The following SYCP2L variants were observed in gnomAD, a reference collection of about 807,000 sequenced individuals.
The protein encoded by SYCP2L is synaptonemal complex protein 2 like, also known as synaptonemal complex protein 2-like.
SYCP2L carries 98 observed loss-of-function variants against 125.8 expected under a neutral mutation model. The observed-to-expected ratio is 0.78, with a 90% CI of 0.66 to 0.92. SYCP2L has a LOEUF of 0.92. Ranked by LOEUF, SYCP2L falls within the 40% of genes least tolerant of loss-of-function variation. The pLI is 0.00. For synonymous variants in SYCP2L, 317 were observed against 325.4 expected, an observed-to-expected ratio of 0.97 and a Z score of 0.28; for missense variants, 842 against 936.4, an observed-to-expected ratio of 0.90 and a Z score of 1.32.
At chr6:10,959,026 C>A in intron 26 of SYCP2L, 151 bp downstream of exon 26, 1 of 671,028 alleles carries the variant, frequency 1.5e-6, no homozygotes, top group Non-Finnish European at 2.6e-6. Context: ...GTTTCCGGTT[C>A]TTCATTCATA....
At chr6:10,902,853 A>G (rs768545885) in intron 7 of SYCP2L, 22 bp from the exon 8 acceptor site, 1 of 1,613,380 alleles carries the variant, frequency 6.2e-7, no homozygotes, top group Non-Finnish European at 8.5e-7. Context: ...TTCTCCATGA[A>G]TGTCTTCTCA....
rs915049172 is a variant in SYCP2L at position 10,942,678 on chromosome 6, T to C, written c.1886T>C (p.Ile629Thr). ...TTTGTGGTCTGTTTTGTTTTTAAGA[T>C]TGTGAACCAAGAATCACTAACAGAA... is the stretch of plus-strand genomic sequence containing the variant. Reference protein sequence around the residue: ...KHSEDEEKPKIVNQESLTEST... With the variant: ...KHSEDEEKPKTVNQESLTEST... Residue 629 changes from isoleucine (I) to threonine (T), a missense_variant and splice_region_variant, in exon 23 of 30, where the codon ATT (isoleucine) becomes ACT (threonine). Physicochemically the swap from Ile to Thr is moderately conservative, Grantham distance 89. Transcript: ENST00000283141. The C allele has an allele frequency of 3.7e-6, 6 of 1,613,714 alleles. No homozygotes were observed. The South Asian group carries it at 4.4e-5, about 12-fold the overall frequency.
intron 23 of SYCP2L, among the ~76,000 whole-genome samples, chr6:10,947,828 T>C (rs538676335): frequency 6.8e-4 from 103 of 152,246 alleles, no homozygotes; most frequent in Non-Finnish European, 1.2e-3. Context: ...TCTAATCTTA[T>C]AGCAAATGCA....
rs11961995 is a variant in SYCP2L, at chr6:10,918,043, G to A, written c.1072+5116G>A. 0.02 allele frequency among the ~76,000 whole-genome samples: 3,019 copies of A among 151,972 alleles called. 132 individuals carry two copies. In the East Asian group the frequency reaches 0.21, roughly 10 times the overall value. On this transcript the variant is annotated intron_variant, in intron 14 of 29. Coordinates refer to ENST00000283141, the MANE Select transcript of SYCP2L (RefSeq NM_001040274.3). ...TTAATCTGGTAGGTTTCCTTTATAG[G>A]TTACCTGGTGCTTTTGTCTCACTGC...
rs181233227 is a variant in SYCP2L, at chr6:10,901,604, G to A, written c.467-1073G>A. Among the ~76,000 whole-genome samples the A allele has an allele frequency of 3.7e-3, 569 of 152,204 alleles. 1 individual carries two copies. Among genetic ancestry groups the A allele is most frequent in the Non-Finnish European group, 6.9e-3 (469 of 68,012 alleles). On this transcript the variant is annotated intron_variant, in intron 6 of 29. Transcript: ENST00000283141. ...TCCTGCGCATCAGAGGGTGTTTGGC[G>A]GCATCCTTGGCCTCTACCCTCTAGA...
chr6:10,918,241 T>C (rs1780724759), intron 14 of SYCP2L, among the ~76,000 whole-genome samples: 1 of 151,032 alleles, frequency 6.6e-6, no homozygotes, highest in Admixed American at 6.6e-5. Flanking sequence ...CTGATGACAA[T>C]GTGCCTCGCC....
At chr6:10,897,410 C>CT (rs5874295) in intron 4 of SYCP2L, among the ~76,000 whole-genome samples, 21 of 129,838 alleles carry the variant, frequency 1.6e-4, no homozygotes, top group African/African-American at 2.5e-4. Context: ...TCACTTATCT[C>CT]TTTTTTTTTT....
rs778758010 is a variant in SYCP2L, at chr6:10,930,438, G to A, written c.1557G>A (p.Trp519Ter). Residue 519 changes from tryptophan to a stop codon, truncating the protein, a stop_gained, in exon 19 of 30, where the codon TGG becomes TGA. Coordinates refer to ENST00000283141, the MANE Select transcript of SYCP2L (RefSeq NM_001040274.3). LOFTEE classifies it high-confidence loss of function. ...NQDSSTSELS[W>*]TSNQKKKSLK... ...ATTCAAGTACCAGTGAACTATCTTG[G>A]ACCAGTAACCAGAAAAAGAAATCCC... 2 of 1,613,592 alleles carry A rather than the reference G, an allele frequency of 1.2e-6. No individual in the cohort carries two copies. Among genetic ancestry groups the A allele is most frequent in the East Asian group, 2.2e-5 (1 of 44,776 alleles).
chr6:10,898,653 T>G (rs1465628895), intron 5 of SYCP2L, among the ~76,000 whole-genome samples, 171 bp from the exon 6 acceptor site: 2 of 152,220 alleles, frequency 1.3e-5, no homozygotes, highest in Non-Finnish European at 2.9e-5. Context: ...GAGAGTGATA[T>G]GCACATTTTA....
intron 23 of SYCP2L, among the ~76,000 whole-genome samples, chr6:10,943,507 G>A (rs1402289933): frequency 3.8e-5 from 5 of 133,204 alleles, no homozygotes; most frequent in Admixed American, 9.2e-5. Context: ...TTGTTCATTC[G>A]TGCGTTGTGA....
At position 10,954,672 on chromosome 6, in the gene SYCP2L, C is replaced by G. The variant is rs1016015910; in HGVS notation, c.1955-444C>G. ...GGAGGCAAGATGGCCTCGTTTATGA[C>G]GTAGCCTTCAGCATAGCGCCGATGT... On this transcript the variant is annotated intron_variant, in intron 23 of 29. Coordinates refer to ENST00000283141, the MANE Select transcript of SYCP2L (RefSeq NM_001040274.3). The surrounding 1 kb of genome is among the most constrained non-coding windows in gnomAD (Gnocchi z 4.8). 1.3e-5 allele frequency among the ~76,000 whole-genome samples: 2 copies of G among 152,204 alleles called. No homozygotes were observed. The highest frequency in any genetic ancestry group is 2.9e-5 in the Non-Finnish European group (2 of 68,032).
intron 21 of SYCP2L, among the ~76,000 whole-genome samples, chr6:10,940,525 C>T (rs1781198295): frequency 6.6e-6 from 1 of 152,042 alleles, no homozygotes; most frequent in African/African-American, 2.4e-5. Context: ...AGGCCATATG[C>T]AACAACATGG....
At position 10,907,660 on chromosome 6, in the gene SYCP2L, A is replaced by C. The variant is rs376117048; in HGVS notation, c.795A>C (p.Glu265Asp). The C allele has an allele frequency of 6.3e-5, 101 of 1,612,308 alleles. No individual in the cohort carries two copies. The highest frequency in any genetic ancestry group is 8.2e-5 in the Non-Finnish European group (97 of 1,179,590). Residue 265 changes from glutamate to aspartate, a missense_variant, in exon 10 of 30, where the codon GAA becomes GAC. Transcript: ENST00000283141. ...DDEVIAEAFK[E>D]IKDREFETDS... ...AAGTCATTGCTGAAGCTTTCAAAGA[A>C]ATTAAGGATCGAGAATTTGAGACGG...
chr6:10,891,069 G>C (rs754243875), intron 1 of SYCP2L, among the ~76,000 whole-genome samples: 1 of 152,152 alleles, frequency 6.6e-6, no homozygotes, highest in Non-Finnish European at 1.5e-5. Context: ...GTACCATGCT[G>C]TTTTGTTCCT....
intron 10 of SYCP2L, among the ~76,000 whole-genome samples, chr6:10,907,886 A>G (rs1275282206): frequency 5.4e-5 from 3 of 55,628 alleles, no homozygotes; most frequent in Non-Finnish European, 7.1e-5. Flanking sequence ...ATAGGGATAC[A>G]GATAGGTTTT....
chr6:10,916,256 CT>C (rs1780693428), intron 14 of SYCP2L, among the ~76,000 whole-genome samples: 1 of 152,026 alleles, frequency 6.6e-6, no homozygotes, highest in African/African-American at 2.4e-5. Context: ...TTTTATTTAT[CT>C]TTTCAAAGAA....
At chr6:10,920,429 C>T (rs1299282278) in intron 14 of SYCP2L, among the ~76,000 whole-genome samples, 1 of 152,118 alleles carries the variant, frequency 6.6e-6, no homozygotes, top group South Asian at 2.1e-4. Flanking sequence ...GTTGGCCAGG[C>T]TGGTCTCGAA....
rs754545894 is a variant in SYCP2L, at chr6:10,963,834, C to A, written c.*28C>A. On this transcript the variant is annotated 3_prime_UTR_variant, in exon 29 of 30. Coordinates refer to ENST00000283141, the MANE Select transcript of SYCP2L (RefSeq NM_001040274.3). Reference sequence around the variant, plus strand: ...AAGCCAAAGCCTGGTTTTATGATTGCAGCCCTCAGGTAGGTGCAAAGATTT... The same window carrying A: ...AAGCCAAAGCCTGGTTTTATGATTGAAGCCCTCAGGTAGGTGCAAAGATTT... 6.2e-7 allele frequency: 1 copy of A among 1,613,560 alleles called. No homozygotes were observed. The highest frequency in any genetic ancestry group is 2.2e-5 in the East Asian group (1 of 44,852).
chr6:10,968,649 T>C (rs547450024), intron 29 of SYCP2L, among the ~76,000 whole-genome samples: 2 of 152,202 alleles, frequency 1.3e-5, no homozygotes, highest in African/African-American at 4.8e-5. Flanking sequence ...TGCTGACAGA[T>C]TGAATTGTAG....
Sources: gnomAD v4.1 joint callset for allele counts (sites outside exome capture counted in the v4.1 genomes callset) on GRCh38, gnomAD v4.1.1 for gene constraint, Gnocchi (gnomAD v3.1) non-coding constraint, MANE v1.5 for transcripts, NCBI Gene and HGNC (gene_info 2026-07-23, HGNC 2026-07-21) for gene names.